Variants in CACNA2D1 observed in about 807,000 individuals in gnomAD.
CACNA2D1 encodes the protein calcium voltage-gated channel auxiliary subunit alpha2delta 1.
Under a neutral mutation model 171.5 loss-of-function variants are expected in CACNA2D1, and 53 were observed. The ratio of observed to expected loss-of-function variants is 0.31; its 90% CI spans 0.25 to 0.39. The LOEUF (loss-of-function observed/expected upper bound fraction) is 0.39, where lower values mean the gene tolerates loss of function less well. Among genes scored for constraint, CACNA2D1 ranks in the 10% least tolerant of loss-of-function variants. CACNA2D1 has a pLI of 1.00. For synonymous variants in CACNA2D1, 442 were observed against 443.1 expected (o/e 1.00, Z 0.03); for missense variants, 903 against 1,299.8 (o/e 0.69, Z 4.69).
chr7:82,021,130 A>G (rs574468753), intron 12 of CACNA2D1: 2 of 152,274 alleles, frequency 1.3e-5, no homozygotes, highest in Admixed American at 1.3e-4. Flanking sequence ...AGTACTAGAT[A>G]AAGGAAGAAT....
At chr7:82,154,693 C>T (rs541897474) in intron 4 of CACNA2D1, among the ~76,000 whole-genome samples, 12 of 152,220 alleles carry the variant, frequency 7.9e-5, no homozygotes, top group African/African-American at 2.9e-4. Flanking sequence ...AAATTTGATT[C>T]AGAAACTGAA....
chr7:82,296,912 G>T (rs1008786462), intron 3 of CACNA2D1, among the ~76,000 whole-genome samples: 1 of 151,764 alleles, frequency 6.6e-6, no homozygotes, highest in Admixed American at 6.6e-5. Context: ...AAATGTCAGG[G>T]TTTAGGATAC....
intron 3 of CACNA2D1, among the ~76,000 whole-genome samples, chr7:82,228,719 A>G (rs1228754349): frequency 6.6e-6 from 1 of 152,198 alleles, no homozygotes; most frequent in Non-Finnish European, 1.5e-5. Context: ...GATACTTGAT[A>G]TAAAACATGA....
chr7:82,212,292 G>T lies in CACNA2D1; in HGVS notation c.295-41683C>A, dbSNP rs576903130. On this transcript the variant is annotated intron_variant, in intron 3 of 38. Coordinates refer to ENST00000356860, the MANE Select transcript of CACNA2D1 (RefSeq NM_000722.4). ...TCAATTTGAATTTCAGACATAAAATGAATCATTTTTTAGGTTAAGTGTATT... is the reference window on the plus strand; with the variant it reads ...TCAATTTGAATTTCAGACATAAAATTAATCATTTTTTAGGTTAAGTGTATT... Among the ~76,000 whole-genome samples, 19 of 152,228 alleles carry T rather than the reference G, an allele frequency of 1.2e-4. No homozygotes were observed. The South Asian group carries it at 3.9e-3, about 32-fold the overall frequency.
At chr7:82,160,336 GA>G (rs1424597897) in intron 4 of CACNA2D1, among the ~76,000 whole-genome samples, 2 of 151,450 alleles carry the variant, frequency 1.3e-5, no homozygotes, top group African/African-American at 2.4e-5. Context: ...ATCAAATTAT[GA>G]AATTAAAAAG....
chr7:82,297,851 A>C (rs1432645694), intron 3 of CACNA2D1, among the ~76,000 whole-genome samples: 1 of 152,168 alleles, frequency 6.6e-6, no homozygotes, highest in East Asian at 1.9e-4. Context: ...ATCCACCTTC[A>C]TAAACAAGAA....
chr7:82,021,263 ATACT>A (rs1255822361), intron 12 of CACNA2D1: 1 of 152,108 alleles, frequency 6.6e-6, no homozygotes, highest in African/African-American at 2.4e-5. Flanking sequence ...GAAATGTCAA[ATACT>A]TCACTGACAC....
intron 10 of CACNA2D1, chr7:82,050,835 G>GT (rs1213947213): frequency 7.8e-6 from 4 of 512,074 alleles, no homozygotes; most frequent in African/African-American, 7.7e-5. Context: ...ATTTCAGCAA[G>GT]TTAAATTATC....
At chr7:82,030,721 A>C (rs976017516) in intron 12 of CACNA2D1, among the ~76,000 whole-genome samples, 1 of 151,890 alleles carries the variant, frequency 6.6e-6, no homozygotes, top group Non-Finnish European at 1.5e-5. Flanking sequence ...AGTGGCTTGC[A>C]CTTATATACT....
At chr7:82,141,608 T>C (rs191705469) in intron 4 of CACNA2D1, among the ~76,000 whole-genome samples, 3 of 152,284 alleles carry the variant, frequency 2.0e-5, no homozygotes, top group East Asian at 1.9e-4. Context: ...ATGAATAATA[T>C]CTACACCCTG....
chr7:82,165,857 T>G (rs575246079), intron 4 of CACNA2D1, among the ~76,000 whole-genome samples: 1 of 152,156 alleles, frequency 6.6e-6, no homozygotes, highest in East Asian at 1.9e-4. Flanking sequence ...AAAGACTAAA[T>G]AAAGCCAGAG....
In CACNA2D1 at chr7:82,421,466, T is replaced by C. The variant is rs545268078; in HGVS notation, c.95+21899A>G. On this transcript the variant is annotated intron_variant, in intron 1 of 38. Transcript: ENST00000356860. ...GGAAGATTCTGCTTATCCAATGGTT[T>C]GAGACAGAAGGGTTCCTTTGAATTT... Among the ~76,000 whole-genome samples, 4 of 152,324 alleles carry C rather than the reference T, an allele frequency of 2.6e-5. No individual in the cohort carries two copies. In the South Asian group the frequency reaches 8.3e-4, roughly 32 times the overall value.
intron 16 of CACNA2D1, among the ~76,000 whole-genome samples, chr7:82,006,395 C>T (rs1799121275): frequency 6.6e-6 from 1 of 151,994 alleles, no homozygotes; most frequent in East Asian, 1.9e-4. Context: ...TACCAAGCAA[C>T]AGGCATCATA....
intron 3 of CACNA2D1, among the ~76,000 whole-genome samples, chr7:82,202,274 C>T (rs952982500): frequency 3.9e-5 from 6 of 152,176 alleles, no homozygotes; most frequent in East Asian, 1.9e-4. Context: ...AAATTCCCTA[C>T]GATTCCTCAA....
At chr7:82,127,091 C>T (rs1287354334) in intron 5 of CACNA2D1, among the ~76,000 whole-genome samples, 1 of 152,204 alleles carries the variant, frequency 6.6e-6, no homozygotes, top group Non-Finnish European at 1.5e-5. Flanking sequence ...ATTCTAACTG[C>T]ACTGCTTATT....
intron 4 of CACNA2D1, among the ~76,000 whole-genome samples, chr7:82,153,998 C>T (rs1195126241): frequency 5.3e-5 from 8 of 152,112 alleles, no homozygotes; most frequent in Non-Finnish European, 1.2e-4. Context: ...AGCTTCTTGA[C>T]AGACTGGGAG....
intron 3 of CACNA2D1, among the ~76,000 whole-genome samples, chr7:82,312,785 C>T (rs1346163919): frequency 1.3e-5 from 2 of 151,850 alleles, no homozygotes; most frequent in African/African-American, 4.8e-5. Flanking sequence ...CCACCAGCTT[C>T]GGCCTCCCAA....
At chr7:82,220,117 G>C (rs973680082) in intron 3 of CACNA2D1, among the ~76,000 whole-genome samples, 5 of 152,034 alleles carry the variant, frequency 3.3e-5, no homozygotes, top group Non-Finnish European at 5.9e-5. Context: ...AAAACAGAGG[G>C]CACGCAGCAA....
At chr7:81,951,676 T>G (rs1792536103) in intron 38 of CACNA2D1, among the ~76,000 whole-genome samples, 1 of 152,158 alleles carries the variant, frequency 6.6e-6, no homozygotes, top group Non-Finnish European at 1.5e-5. Flanking sequence ...ATTATTTCAT[T>G]CCTTTTTATG....
Sources: gnomAD v4.1 joint callset for allele counts (sites outside exome capture counted in the v4.1 genomes callset) on GRCh38, gnomAD v4.1.1 for gene constraint, MANE v1.5 for transcripts, NCBI Gene and HGNC (gene_info 2026-07-23, HGNC 2026-07-21) for gene names.